The following RFX7 variants were observed in gnomAD, a reference collection of about 807,000 sequenced individuals.
The protein encoded by RFX7 is DNA-binding protein RFX7.
A neutral mutation model predicts 111.8 loss-of-function variants in RFX7; 26 were observed. That is an observed-to-expected ratio of 0.23 (90% CI 0.17 to 0.32). The LOEUF is 0.32. Ranked by LOEUF, RFX7 falls within the 10% of genes least tolerant of loss-of-function variation. RFX7 has a pLI of 1.00. For missense variants in RFX7, 1,573 were observed against 1,772.9 expected (o/e 0.89, Z 2.02); for synonymous variants, 624 against 624.4 (o/e 1.00, Z 0.01).
chr15:56,138,940 G>A (rs1282605738), intron 5 of RFX7, among the ~76,000 whole-genome samples: 1 of 152,030 alleles, frequency 6.6e-6, no homozygotes. Flanking sequence ...GTTGAATATT[G>A]GCCCCCACTC....
At chr15:56,201,752 C>T (rs927600333) in intron 2 of RFX7, among the ~76,000 whole-genome samples, 3 of 152,022 alleles carry the variant, frequency 2.0e-5, no homozygotes, top group Non-Finnish European at 2.9e-5. Context: ...AAACACTGGC[C>T]GGGCGTGGTG....
At chr15:56,218,484 A>G (rs1210325395) in intron 2 of RFX7, among the ~76,000 whole-genome samples, 1 of 152,142 alleles carries the variant, frequency 6.6e-6, no homozygotes, top group Non-Finnish European at 1.5e-5. Flanking sequence ...TGCAAATATT[A>G]TGTCATTTTA....
At chr15:56,201,348 G>A (rs990757725) in intron 2 of RFX7, among the ~76,000 whole-genome samples, 1 of 152,160 alleles carries the variant, frequency 6.6e-6, no homozygotes, top group African/African-American at 2.4e-5. Context: ...AAAACAATTC[G>A]AAAACCAATT....
At chr15:56,219,465 T>C (rs1358020648) in intron 2 of RFX7, among the ~76,000 whole-genome samples, 4 of 152,212 alleles carry the variant, frequency 2.6e-5, no homozygotes, top group African/African-American at 9.6e-5. Context: ...CAGATTATTT[T>C]GTTACCTAGG....
chr15:56,235,738 T>C (rs1402141084), intron 2 of RFX7, among the ~76,000 whole-genome samples: 3 of 152,216 alleles, frequency 2.0e-5, no homozygotes, highest in Non-Finnish European at 4.4e-5. Flanking sequence ...GCTAGAAATA[T>C]CACTAATCAA....
chr15:56,156,226 G>C (rs2141068132), intron 3 of RFX7, among the ~76,000 whole-genome samples: 1 of 152,174 alleles, frequency 6.6e-6, no homozygotes, highest in East Asian at 1.9e-4. Flanking sequence ...CTTTGAGGCA[G>C]AATCCTGAAA....
intron 3 of RFX7, among the ~76,000 whole-genome samples, chr15:56,173,173 C>T (rs1390935763): frequency 6.6e-6 from 1 of 152,070 alleles, no homozygotes; most frequent in Non-Finnish European, 1.5e-5. Flanking sequence ...TACACAAATC[C>T]CTATGTAGAT....
intron 3 of RFX7, among the ~76,000 whole-genome samples, chr15:56,154,196 G>T (rs1481235438): frequency 6.6e-6 from 1 of 152,086 alleles, no homozygotes; most frequent in Non-Finnish European, 1.5e-5. Flanking sequence ...CATGAAAATG[G>T]TCATACTGCC....
At chr15:56,162,348 G>T (rs1044389640) in intron 3 of RFX7, among the ~76,000 whole-genome samples, 1 of 151,956 alleles carries the variant, frequency 6.6e-6, no homozygotes, top group Non-Finnish European at 1.5e-5. Flanking sequence ...AGTTTGAAAT[G>T]ACTTAAAGTG....
chr15:56,106,193 A>G (rs1381074253), intron 5 of RFX7, among the ~76,000 whole-genome samples: 1 of 152,206 alleles, frequency 6.6e-6, no homozygotes, highest in Non-Finnish European at 1.5e-5. Context: ...CCAATGCCAA[A>G]TTTGTTTTTC....
chr15:56,187,006 T>C (rs2141152670), intron 2 of RFX7, among the ~76,000 whole-genome samples: 1 of 152,348 alleles, frequency 6.6e-6, no homozygotes, highest in African/African-American at 2.4e-5. Flanking sequence ...CACCTGAATA[T>C]ACTTTGAGTG....
At chr15:56,169,743 C>T (rs1266766240) in intron 3 of RFX7, among the ~76,000 whole-genome samples, 3 of 144,754 alleles carry the variant, frequency 2.1e-5, no homozygotes, top group East Asian at 4.0e-4. Flanking sequence ...GTCTCTTTGT[C>T]CCACTTCACC....
chr15:56,134,170 GC>G (rs1262545131), intron 5 of RFX7, among the ~76,000 whole-genome samples: 1 of 152,048 alleles, frequency 6.6e-6, no homozygotes, highest in East Asian at 1.9e-4. Flanking sequence ...TCTTAGATCT[GC>G]CCCTCACTAG....
chr15:56,190,660 A>G lies in RFX7; in HGVS notation c.162-11357T>C, dbSNP rs746423172. Among the ~76,000 whole-genome samples, 29 of 152,208 alleles carry G rather than the reference A, an allele frequency of 1.9e-4. 1 individual carries two copies. Among genetic ancestry groups the G allele is most frequent in the Admixed American group, 3.9e-4 (6 of 15,286 alleles). On this transcript the variant is annotated intron_variant, in intron 2 of 9. Transcript: ENST00000559447. ...TCAGTATTCCTGGGAACTAGTTAAA[A>G]TGCAAATTTATGGGTCCCACTACAG...
At chr15:56,223,525 T>C (rs1333256829) in intron 2 of RFX7, among the ~76,000 whole-genome samples, 21 of 152,178 alleles carry the variant, frequency 1.4e-4, no homozygotes, top group African/African-American at 5.1e-4. Context: ...ACTTTTACAG[T>C]TGATCATGGA....
chr15:56,137,802 C>T (rs1395298182), intron 5 of RFX7, among the ~76,000 whole-genome samples: 1 of 152,056 alleles, frequency 6.6e-6, no homozygotes, highest in African/African-American at 2.4e-5. Flanking sequence ...CCCAGAGATT[C>T]TGGTATGTTG....
intron 2 of RFX7, among the ~76,000 whole-genome samples, chr15:56,229,854 G>C (rs2043530283): frequency 2.0e-5 from 3 of 150,568 alleles, no homozygotes; most frequent in Non-Finnish European, 4.4e-5. Flanking sequence ...AAGGAAGGAA[G>C]GAAAGAAAGC....
At chr15:56,143,141 A>T (rs1388833952) in intron 4 of RFX7, among the ~76,000 whole-genome samples, 3 of 152,052 alleles carry the variant, frequency 2.0e-5, no homozygotes, top group Admixed American at 2.0e-4. Flanking sequence ...AGCACTGACA[A>T]AGTATTTGTT....
intron 5 of RFX7, among the ~76,000 whole-genome samples, chr15:56,115,133 C>T (rs1213466938): frequency 6.6e-6 from 1 of 152,134 alleles, no homozygotes; most frequent in Non-Finnish European, 1.5e-5. Flanking sequence ...CCTCAGCCTC[C>T]CGAGTAGCTG....
Sources: gnomAD v4.1 joint callset for allele counts (sites outside exome capture counted in the v4.1 genomes callset) on GRCh38, gnomAD v4.1.1 for gene constraint, MANE v1.5 for transcripts, NCBI Gene and HGNC (gene_info 2026-07-23, HGNC 2026-07-21) for gene names.